The following IFIT1 variants were observed in gnomAD, a reference collection of about 807,000 sequenced individuals.
IFIT1 encodes the protein antiviral innate immune response effector IFIT1.
In IFIT1, 1 loss-of-function variant was observed where a neutral mutation model predicts 2.5. The observed-to-expected ratio is 0.40, with a 90% CI of 0.14 to 1.92. IFIT1 has a LOEUF of 1.92. Among genes scored for constraint, IFIT1 ranks in the 40% most tolerant of loss-of-function variants. The pLI is 0.31. For missense variants in IFIT1, 508 were observed against 557.8 expected, an observed-to-expected ratio of 0.91 and a Z score of 0.90; for synonymous variants, 191 against 201.7, an observed-to-expected ratio of 0.95 and a Z score of 0.45.
chr10:89,402,702 T>C lies in IFIT1; in HGVS notation c.427T>C (p.Cys143Arg), dbSNP rs772381325. Residue 143 changes from cysteine (C) to arginine (R), a missense_variant, in exon 2 of 2, where the codon TGT becomes CGT. Physicochemically the swap from Cys to Arg is radical, Grantham distance 180. Coordinates refer to ENST00000371804, the MANE Select transcript of IFIT1 (RefSeq NM_001548.5). ...RYRMECPEID[C>R]EEGWALLKCG... ...TAGAATGGAGTGTCCAGAAATAGAC[T>C]GTGAGGAAGGATGGGCCTTGCTGAA... 4.5e-5 allele frequency: 73 copies of C among 1,614,196 alleles called. No individual in the cohort carries two copies. In the South Asian group the frequency reaches 7.2e-4, roughly 16 times the overall value.
At position 89,405,148 on chromosome 10, in the gene IFIT1, T is replaced by C. The variant is rs2133637913; in HGVS notation, c.*1436T>C. 1 of 152,270 alleles carries C rather than the reference T, an allele frequency of 6.6e-6. No individual in the cohort carries two copies. The highest frequency in any genetic ancestry group is 6.5e-5 in the Admixed American group (1 of 15,290). The allele number at this position is 152,270 out of a possible 1,614,324, so 9.4% of individuals were successfully genotyped here. On this transcript the variant is annotated 3_prime_UTR_variant, in exon 2 of 2. Coordinates refer to ENST00000371804, the MANE Select transcript of IFIT1 (RefSeq NM_001548.5). ...AGTACAGAGTCAATTAAAGGTTAGT[T>C]TTCTTCATGAAGATGTTTTAATTTT...
At chr10:89,393,292 T>C in intron 1 of IFIT1, 1 of 1,289,550 alleles carries the variant, frequency 7.8e-7, no homozygotes, top group Non-Finnish European at 1.0e-6. Context: ...GCAATCAGGC[T>C]GAGCTTAAGA....
chr10:89,402,938 T>G lies in IFIT1; in HGVS notation c.663T>G (p.Val221=). ...RLNPDNGYIK[V]LLALKLQDEG... ...ATCCAGACAATGGATATATTAAGGT[T>G]CTCCTTGCCCTGAAGCTTCAGGATG... Residue 221 remains valine, a synonymous_variant, in exon 2 of 2, where the codon GTT becomes GTG. Coordinates refer to ENST00000371804, the MANE Select transcript of IFIT1 (RefSeq NM_001548.5). The G allele has an allele frequency of 6.2e-7, 1 of 1,614,170 alleles. No homozygotes were observed. The highest frequency in any genetic ancestry group is 8.5e-7 in the Non-Finnish European group (1 of 1,180,048).
Position 89,402,979 on chromosome 10 carries a change from A to G in IFIT1, c.704A>G (p.Glu235Gly), listed in dbSNP as rs557664379. The change falls in exon 2 of 2, where the codon GAA (glutamate) becomes GGA (glycine). Residue 235 changes from glutamate (E) to glycine (G), a missense_variant. Coordinates refer to ENST00000371804, the MANE Select transcript of IFIT1 (RefSeq NM_001548.5). ...LKLQDEGQEA[E>G]GEKYIEEALA... Reference sequence around the variant, plus strand: ...CTTCAGGATGAAGGACAGGAAGCTGAAGGAGAAAAGTACATTGAAGAAGCT... The same window carrying G: ...CTTCAGGATGAAGGACAGGAAGCTGGAGGAGAAAAGTACATTGAAGAAGCT... 1.2e-6 allele frequency: 2 copies of G among 1,614,084 alleles called. No individual in the cohort carries two copies. Among genetic ancestry groups the G allele is most frequent in the Admixed American group, 1.7e-5 (1 of 59,996 alleles).
chr10:89,397,142 C>T (rs1844355427), intron 1 of IFIT1, among the ~76,000 whole-genome samples: 1 of 152,002 alleles, frequency 6.6e-6, no homozygotes, highest in Admixed American at 6.6e-5. Context: ...ACATAATATT[C>T]TATGGTATAG....
rs1176999269 is a variant in IFIT1 at position 89,393,013 on chromosome 10, C to T, written c.5+296C>T. 4 of 772,932 alleles carry T rather than the reference C, an allele frequency of 5.2e-6. No homozygotes were observed. In the African/African-American group the frequency reaches 5.3e-5, roughly 10 times the overall value. The allele number at this position is 772,932 out of a possible 1,614,324, so 47.9% of individuals were successfully genotyped here. A position where few individuals can be genotyped will look rare whatever the true frequency, so the allele number is the denominator to read the frequency against. On this transcript the variant is annotated intron_variant, in intron 1 of 1. Transcript: ENST00000371804. ...TTTTGCAGGAAGGGAGAAAATGATCCCAATCTGAGAGATTCTTTCCCATCA... is the reference window on the plus strand; with the variant it reads ...TTTTGCAGGAAGGGAGAAAATGATCTCAATCTGAGAGATTCTTTCCCATCA...
chr10:89,392,664 G>C lies in IFIT1; in HGVS notation c.-49G>C, dbSNP rs1431248173. 1.2e-6 allele frequency: 2 copies of C among 1,607,834 alleles called. No homozygotes were observed. ...GACAGAATAGCCAGATCTCAGAGGA[G>C]CCTGGCTAAGCAAAACCCTGCAGAA... On this transcript the variant is annotated 5_prime_UTR_variant, in exon 1 of 2. Coordinates refer to ENST00000371804, the MANE Select transcript of IFIT1 (RefSeq NM_001548.5).
intron 1 of IFIT1, among the ~76,000 whole-genome samples, chr10:89,401,413 A>G (rs1018233746): frequency 2.0e-5 from 3 of 151,990 alleles, no homozygotes; most frequent in African/African-American, 7.2e-5. Flanking sequence ...GAGCCACCGC[A>G]CCCAGCCTAT....
At chr10:89,396,827 A>G (rs1440306560) in intron 1 of IFIT1, among the ~76,000 whole-genome samples, 1 of 152,222 alleles carries the variant, frequency 6.6e-6, no homozygotes, top group Non-Finnish European at 1.5e-5. Context: ...TCTAGTAGCT[A>G]ATGATGTTGA....
Position 89,405,653 on chromosome 10 carries a change from T to TCC in IFIT1, c.*1942_*1943dup, listed in dbSNP as rs1229324854. On this transcript the variant is annotated 3_prime_UTR_variant, in exon 2 of 2. Transcript: ENST00000371804. ...TCCAGAGGCTGCCTGAATTCTTTCA[T>TCC]CCATCTTAAAAACCAACAGTGTAGT... 2 of 152,204 alleles carry TCC rather than the reference T, an allele frequency of 1.3e-5. No individual in the cohort carries two copies. The highest frequency in any genetic ancestry group is 4.8e-5 in the African/African-American group (2 of 41,446). 9.4% of individuals were successfully genotyped at this position (152,204 alleles called of 1,614,324 possible). A position where few individuals can be genotyped will look rare whatever the true frequency, so the allele number is the denominator to read the frequency against.
Position 89,402,378 on chromosome 10 carries a change from T to A in IFIT1, c.103T>A (p.Leu35Ile). 1 of 1,614,164 alleles carries A rather than the reference T, an allele frequency of 6.2e-7. No individual in the cohort carries two copies. Among genetic ancestry groups the A allele is most frequent in the Non-Finnish European group, 8.5e-7 (1 of 1,179,998 alleles). The change falls in exon 2 of 2, where the codon TTA (leucine) becomes ATA (isoleucine). Residue 35 changes from leucine to isoleucine, a missense_variant. Coordinates refer to ENST00000371804, the MANE Select transcript of IFIT1 (RefSeq NM_001548.5). ...LSIDDDEMPD[L>I]ENRVLDQIEF... is the part of the protein sequence containing the mutation. ...CATTGATGACGATGAAATGCCTGAT[T>A]TAGAAAACAGAGTCTTGGATCAGAT...
At chr10:89,402,229 T>G in intron 1 of IFIT1, 52 bp from the exon 2 acceptor site, 1 of 1,203,348 alleles carries the variant, frequency 8.3e-7, no homozygotes, top group South Asian at 1.4e-5. Flanking sequence ...TCTGACTTTT[T>G]TCTTTTAGCT....
chr10:89,394,634 T>TGTA (rs74313171), intron 1 of IFIT1, among the ~76,000 whole-genome samples: 81,875 of 129,964 alleles, frequency 0.63, 27,948 homozygotes, highest in African/African-American at 0.9. Context: ...ATATAAAACT[T>TGTA]GAATTTTATT....
chr10:89,396,596 C>A (rs10788642), intron 1 of IFIT1, among the ~76,000 whole-genome samples: 1 of 151,972 alleles, frequency 6.6e-6, no homozygotes, highest in South Asian at 2.1e-4. Flanking sequence ...AGGTCATTCA[C>A]GAGAGACCTA....
rs748555856 is a variant in IFIT1, at chr10:89,402,966, G to A, written c.691G>A (p.Gly231Arg). ...CCTTGCCCTGAAGCTTCAGGATGAA[G>A]GACAGGAAGCTGAAGGAGAAAAGTA... ...VLLALKLQDE[G>R]QEAEGEKYIE... is the part of the protein sequence containing the mutation. Residue 231 changes from glycine (G) to arginine (R), a missense_variant, in exon 2 of 2, where the codon GGA becomes AGA. By Grantham distance (125) the Gly-to-Arg change is moderately radical. Coordinates refer to ENST00000371804, the MANE Select transcript of IFIT1 (RefSeq NM_001548.5). 11 of 1,614,090 alleles carry A rather than the reference G, an allele frequency of 6.8e-6. No individual in the cohort carries two copies. The highest frequency in any genetic ancestry group is 1.7e-5 in the Admixed American group (1 of 60,006).
Position 89,403,144 on chromosome 10 carries a change from A to G in IFIT1, c.869A>G (p.Gln290Arg). Residue 290 changes from glutamine (Q) to arginine (R), a missense_variant, in exon 2 of 2, where the codon CAG (glutamine) becomes CGG (arginine). By Grantham distance (43) the Gln-to-Arg change is conservative (BLOSUM62 1). Coordinates refer to ENST00000371804, the MANE Select transcript of IFIT1 (RefSeq NM_001548.5). ...CCCACTTCTGTCTTACTGCATCACC[A>G]GATAGGGCTTTGCTACAAGGCACAA... ...ETPTSVLLHH[Q>R]IGLCYKAQMI... 6.8e-6 allele frequency: 11 copies of G among 1,614,082 alleles called. No individual in the cohort carries two copies. Among genetic ancestry groups the G allele is most frequent in the Non-Finnish European group, 8.5e-6 (10 of 1,179,954 alleles).
Position 89,394,629 on chromosome 10 carries a change from A to ATATATATAT in IFIT1, c.5+1912_5+1913insTATATATAT, listed in dbSNP as rs1429080862. ...ATATATATATATATATATATATATAAAACTTGAATTTTATTCAGGTTAGCA... is the reference window on the plus strand; with the variant it reads ...ATATATATATATATATATATATATAATATATATATAACTTGAATTTTATTCAGGTTAGCA... On this transcript the variant is annotated intron_variant, in intron 1 of 1. Coordinates refer to ENST00000371804, the MANE Select transcript of IFIT1 (RefSeq NM_001548.5). 4.2e-4 allele frequency among the ~76,000 whole-genome samples: 11 copies of ATATATATAT among 26,248 alleles called. 1 individual carries two copies. The highest frequency in any genetic ancestry group is 1.5e-3 in the African/African-American group (9 of 5,940). The allele number at this position is 26,248 out of a possible 152,430, so 17.2% of individuals were successfully genotyped here.
In IFIT1 at chr10:89,403,574, G is replaced by C. The variant is rs1844477646; in HGVS notation, c.1299G>C (p.Lys433Asn). Residue 433 changes from lysine to asparagine, a missense_variant, in exon 2 of 2, where the codon AAG (lysine) becomes AAC (asparagine). Transcript: ENST00000371804. Reference protein sequence around the residue: ...KKLVLRKLRRKALDLESLSLL... With the variant: ...KKLVLRKLRRNALDLESLSLL... The stretch of plus-strand genomic sequence containing the variant: ...TGGTTTTAAGGAAACTTCGGAGAAA[G>C]GCATTAGATCTGGAAAGCTTGAGCC... The C allele has an allele frequency of 1.2e-6, 2 of 1,614,092 alleles. No homozygotes were observed.
intron 1 of IFIT1, among the ~76,000 whole-genome samples, chr10:89,400,440 T>C (rs1844405972): frequency 6.6e-6 from 1 of 152,238 alleles, no homozygotes; most frequent in African/African-American, 2.4e-5. Context: ...ATTGCTTCTT[T>C]AATTTCTTTC....
Sources: gnomAD v4.1 joint callset for allele counts (sites outside exome capture counted in the v4.1 genomes callset) on GRCh38, gnomAD v4.1.1 for gene constraint, MANE v1.5 for transcripts, NCBI Gene and HGNC (gene_info 2026-07-23, HGNC 2026-07-21) for gene names.